Variants in STRN observed in about 807,000 individuals in gnomAD.
The protein encoded by STRN is striatin, also known as protein phosphatase 2 regulatory subunit B'''alpha.
Under a neutral mutation model 96.3 loss-of-function variants are expected in STRN, and 53 were observed. The ratio of observed to expected loss-of-function variants is 0.55; its 90% CI spans 0.44 to 0.69. The LOEUF is 0.69. Ranked by LOEUF, STRN falls within the 30% of genes least tolerant of loss-of-function variation. The pLI, the probability that STRN is intolerant of heterozygous loss-of-function variation, is 0.00. For synonymous variants in STRN, 428 were observed against 355.9 expected (o/e 1.20, Z -2.28); for missense variants, 987 against 963.9 (o/e 1.02, Z -0.32).
intron 1 of STRN, among the ~76,000 whole-genome samples, chr2:36,942,727 G>C (rs1382524456): frequency 6.6e-6 from 1 of 151,924 alleles, no homozygotes; most frequent in Non-Finnish European, 1.5e-5. Flanking sequence ...ACGGAGTCTT[G>C]CTCTGTTGCC....
chr2:36,946,496 G>C lies in STRN; in HGVS notation c.234+19734C>G, dbSNP rs765349522. On this transcript the variant is annotated intron_variant, in intron 1 of 17. Transcript: ENST00000263918. ...TAAGGAATTAAGAAAAATCTTGTTTGAGAAGACTTGAAATGTAAACATCCC... is the reference window on the plus strand; with the variant it reads ...TAAGGAATTAAGAAAAATCTTGTTTCAGAAGACTTGAAATGTAAACATCCC... Among the ~76,000 whole-genome samples the C allele has an allele frequency of 2.6e-5, 4 of 152,198 alleles. No individual in the cohort carries two copies. The East Asian group carries it at 7.7e-4, about 29-fold the overall frequency.
chr2:36,849,531 A>T lies in STRN; in HGVS notation c.2268T>A (p.His756Gln). 1 of 1,614,204 alleles carries T rather than the reference A, an allele frequency of 6.2e-7. No homozygotes were observed. Among genetic ancestry groups the T allele is most frequent in the Non-Finnish European group, 8.5e-7 (1 of 1,180,008 alleles). The change falls in exon 18 of 18, where the codon CAT becomes CAA. Residue 756 changes from histidine to glutamine, a missense_variant. Physicochemically the swap from His to Gln is conservative, Grantham distance 24. Transcript: ENST00000263918. ...AHRKKFEESI[H>Q]DVAFHPSKCY... ...ATTTGGATGGGTGGAAAGCTACATC[A>T]TGAATCGATTCTTCAAACTTTTTTC... is the stretch of plus-strand genomic sequence containing the variant.
intron 12 of STRN, among the ~76,000 whole-genome samples, chr2:36,864,445 G>A (rs1344510056): frequency 6.6e-6 from 1 of 152,182 alleles, no homozygotes; most frequent in Non-Finnish European, 1.5e-5. Flanking sequence ...CTGTTCATGT[G>A]ATGAACCACA....
intron 7 of STRN, among the ~76,000 whole-genome samples, chr2:36,891,757 A>G (rs544950278): frequency 6.6e-6 from 1 of 152,302 alleles, no homozygotes; most frequent in African/African-American, 2.4e-5. Flanking sequence ...CAAAAAATCT[A>G]TTTTTGTCTG....
At chr2:36,918,380 T>G (rs913730792) in intron 2 of STRN, among the ~76,000 whole-genome samples, 8 of 152,074 alleles carry the variant, frequency 5.3e-5, no homozygotes, top group Non-Finnish European at 7.4e-5. Flanking sequence ...AGCAACTGAA[T>G]GTAACTAGTC....
At chr2:36,920,792 C>T (rs1670232284) in intron 2 of STRN, among the ~76,000 whole-genome samples, 1 of 151,956 alleles carries the variant, frequency 6.6e-6, no homozygotes, top group South Asian at 2.1e-4. Flanking sequence ...AAATAAGCAA[C>T]TCTGCCAGGC....
chr2:36,939,871 C>A (rs374036441), intron 1 of STRN, among the ~76,000 whole-genome samples: 19 of 152,228 alleles, frequency 1.2e-4, no homozygotes, highest in African/African-American at 4.3e-4. Context: ...GGAAAGACCA[C>A]GATACAGTAT....
At chr2:36,851,704 T>C (rs1668227142) in intron 15 of STRN, among the ~76,000 whole-genome samples, 1 of 152,222 alleles carries the variant, frequency 6.6e-6, no homozygotes, top group South Asian at 2.1e-4. Context: ...CAATGTTCTG[T>C]GAGATTTTGC....
chr2:36,869,000 G>A (rs1668698251), intron 11 of STRN, among the ~76,000 whole-genome samples: 1 of 151,692 alleles, frequency 6.6e-6, no homozygotes, highest in South Asian at 2.1e-4. Flanking sequence ...TCCATGCTTA[G>A]ACAGGAACTA....
intron 11 of STRN, 130 bp downstream of exon 11, chr2:36,869,424 A>T: frequency 1.1e-6 from 1 of 924,060 alleles, no homozygotes; most frequent in Non-Finnish European, 1.5e-6. Context: ...AAACACAATA[A>T]ATTACATGAC....
rs1669531243 is a variant in STRN at position 36,895,954 on chromosome 2, AAG to A, written c.796-1923_796-1922del. Among the ~76,000 whole-genome samples the A allele has an allele frequency of 2.0e-5, 3 of 152,006 alleles. No homozygotes were observed. In the South Asian group the frequency reaches 6.2e-4, roughly 32 times the overall value. On this transcript the variant is annotated intron_variant, in intron 6 of 17. Transcript: ENST00000263918. ...AAAAGAAAAAAAACAGGTGTATCTG[AAG>A]AGTTATGCCAACAGGACACCCCAAT... is the stretch of plus-strand genomic sequence containing the variant.
intron 1 of STRN, among the ~76,000 whole-genome samples, chr2:36,927,382 G>C (rs528573544): frequency 1.3e-5 from 2 of 151,720 alleles, no homozygotes; most frequent in Non-Finnish European, 2.9e-5. Flanking sequence ...GGTGGCATGT[G>C]TCTGTGGTCC....
At chr2:36,904,298 G>C (rs934181309) in intron 4 of STRN, among the ~76,000 whole-genome samples, 1 of 152,110 alleles carries the variant, frequency 6.6e-6, no homozygotes, top group Non-Finnish European at 1.5e-5. Flanking sequence ...GTAGTCAAAA[G>C]TAATAGCTGC....
At chr2:36,888,286 C>T (rs1431428285) in intron 7 of STRN, among the ~76,000 whole-genome samples, 1 of 152,166 alleles carries the variant, frequency 6.6e-6, no homozygotes, top group African/African-American at 2.4e-5. Context: ...CCTGTGTAGT[C>T]TATTCTCAAT....
chr2:36,952,802 T>C (rs1664791869), intron 1 of STRN, among the ~76,000 whole-genome samples: 1 of 152,242 alleles, frequency 6.6e-6, no homozygotes, highest in Non-Finnish European at 1.5e-5. Flanking sequence ...GTTCAGCAAG[T>C]GCGCTGACCC....
chr2:36,939,604 A>G (rs932955697), intron 1 of STRN, among the ~76,000 whole-genome samples: 4 of 151,426 alleles, frequency 2.6e-5, no homozygotes, highest in Admixed American at 6.6e-5. Context: ...ACTGGTCCCA[A>G]ACTCCTGAGC....
chr2:36,927,874 A>G (rs1035463034), intron 1 of STRN, among the ~76,000 whole-genome samples: 1 of 152,224 alleles, frequency 6.6e-6, no homozygotes, highest in Admixed American at 6.5e-5. Flanking sequence ...TTAGAATGGT[A>G]TCCTTCAAAT....
chr2:36,916,612 T>A (rs1386355924), intron 2 of STRN, among the ~76,000 whole-genome samples: 1 of 152,136 alleles, frequency 6.6e-6, no homozygotes, highest in African/African-American at 2.4e-5. Context: ...TGTCAGATAA[T>A]CATGATTTGC....
At chr2:36,956,035 T>C (rs568837658) in intron 1 of STRN, among the ~76,000 whole-genome samples, 25 of 152,348 alleles carry the variant, frequency 1.6e-4, no homozygotes, top group Admixed American at 3.3e-4. Context: ...TGTGACATCA[T>C]GTCAGCACTC....
Sources: gnomAD v4.1 joint callset for allele counts (sites outside exome capture counted in the v4.1 genomes callset) on GRCh38, gnomAD v4.1.1 for gene constraint, MANE v1.5 for transcripts, NCBI Gene and HGNC (gene_info 2026-07-23, HGNC 2026-07-21) for gene names.